SPATS2L: variants seen among roughly 807,000 people sequenced by gnomAD.
SPATS2L encodes the protein spermatogenesis associated serine rich 2 like.
In SPATS2L, 30 loss-of-function variants were observed where a neutral mutation model predicts 59.6. The observed-to-expected ratio is 0.50, with a 90% confidence interval of 0.38 to 0.68. The LOEUF (loss-of-function observed/expected upper bound fraction) is 0.68, where lower values mean the gene tolerates loss of function less well. SPATS2L is among the 30% of genes least tolerant of loss of function. The pLI is 0.00. For synonymous variants in SPATS2L, 252 were observed against 263.5 expected (o/e 0.96, Z 0.42); for missense variants, 615 against 700.0 (o/e 0.88, Z 1.37).
chr2:200,412,568 T>C, intron 4 of SPATS2L, 149 bp downstream of exon 4: 1 of 403,726 alleles, frequency 2.5e-6, no homozygotes, highest in Non-Finnish European at 4.3e-6. Flanking sequence ...ATTGCGCTAC[T>C]GCACTCTAGC....
intron 9 of SPATS2L, among the ~76,000 whole-genome samples, chr2:200,460,511 C>T (rs1203008075): frequency 1.3e-5 from 2 of 151,946 alleles, no homozygotes; most frequent in East Asian, 1.9e-4. Flanking sequence ...TTTAGGAGGC[C>T]GAGGCAGGCA....
In SPATS2L at chr2:200,412,452, TTA is replaced by T. The variant is rs2082910067; in HGVS notation, c.148+34_148+35del. The T allele has an allele frequency of 5.6e-6, 7 of 1,250,598 alleles. No individual in the cohort carries two copies. In the East Asian group the frequency reaches 1.7e-4, roughly 30 times the overall value. 77.5% of individuals were successfully genotyped at this position (1,250,598 alleles called of 1,614,324 possible). A position where few individuals can be genotyped will look rare whatever the true frequency, so the allele number is the denominator to read the frequency against. On this transcript the variant is annotated intron_variant, in intron 4 of 12. Coordinates refer to ENST00000409140, the MANE Select transcript of SPATS2L (RefSeq NM_001100423.2). ...TACCTGTACCCTGCAGCTGAAGATG[TTA>T]GACTTAAATATTCCAGATATTCCAT...
At chr2:200,346,110 T>C (rs913577133) in intron 2 of SPATS2L, among the ~76,000 whole-genome samples, 1 of 152,220 alleles carries the variant, frequency 6.6e-6, no homozygotes, top group African/African-American at 2.4e-5. Flanking sequence ...GATGTCATAG[T>C]ATTACAACCA....
intron 3 of SPATS2L, among the ~76,000 whole-genome samples, chr2:200,403,722 C>T (rs185686531): frequency 5.3e-5 from 8 of 152,280 alleles, no homozygotes; most frequent in East Asian, 1.9e-4. Context: ...TTGCTTTGCT[C>T]CTGCTTCTGG....
intron 3 of SPATS2L, among the ~76,000 whole-genome samples, chr2:200,396,033 A>AAAATATAAATATAT (rs1553520464): frequency 4.7e-5 from 1 of 21,148 alleles, no homozygotes; most frequent in African/African-American, 1.5e-4. Flanking sequence ...AAAAAAAAAA[A>AAAATATAAATATAT]ATATATATAT....
At chr2:200,417,597 A>G (rs1038165590) in intron 5 of SPATS2L, among the ~76,000 whole-genome samples, 1 of 152,134 alleles carries the variant, frequency 6.6e-6, no homozygotes, top group African/African-American at 2.4e-5. Context: ...TGAAAAGGAA[A>G]ATGGTCTCCC....
At chr2:200,447,328 G>A (rs1574589726) in intron 8 of SPATS2L, among the ~76,000 whole-genome samples, 1 of 152,178 alleles carries the variant, frequency 6.6e-6, no homozygotes, top group Non-Finnish European at 1.5e-5. Context: ...ACCCAGGTAT[G>A]CCAGCCATTA....
chr2:200,367,897 A>G (rs2081313153), intron 2 of SPATS2L, among the ~76,000 whole-genome samples: 1 of 152,226 alleles, frequency 6.6e-6, no homozygotes, highest in Non-Finnish European at 1.5e-5. Context: ...TTTATAAACA[A>G]TGTAGTATTT....
rs537035492 is a variant in SPATS2L, at chr2:200,336,286, C to T, written c.-23+6806C>T. On this transcript the variant is annotated intron_variant, in intron 2 of 12. Transcript: ENST00000409140. ...ATTCACCTTGTTTAATCATGAACTT[C>T]GTCCTGTTCGTATTGCCTTGAGATA... Among the ~76,000 whole-genome samples the T allele has an allele frequency of 4.6e-5, 7 of 152,248 alleles. No homozygotes were observed. The East Asian group carries it at 5.8e-4, about 13-fold the overall frequency.
chr2:200,467,523 G>C, intron 10 of SPATS2L, 124 bp downstream of exon 10: 2 of 672,102 alleles, frequency 3.0e-6, no homozygotes, highest in Non-Finnish European at 5.3e-6. Context: ...CTCTTCCACA[G>C]GGTGGAAATA....
At position 200,379,914 on chromosome 2, in the gene SPATS2L, G is replaced by A. The variant is rs529727751; in HGVS notation, c.-22-9309G>A. On this transcript the variant is annotated intron_variant, in intron 2 of 12. Coordinates refer to ENST00000409140, the MANE Select transcript of SPATS2L (RefSeq NM_001100423.2). ...GTATAATTGAGTTGCTGATACAAGT[G>A]GGTACTTGCACCAGGTCCGGGTCAC... 1.5e-3 allele frequency among the ~76,000 whole-genome samples: 234 copies of A among 152,212 alleles called. 1 individual carries two copies. The highest frequency in any genetic ancestry group is 5.1e-3 in the African/African-American group (210 of 41,534).
In SPATS2L at chr2:200,364,862, A is replaced by C. The variant is rs188505534; in HGVS notation, c.-22-24361A>C. Reference sequence around the variant, plus strand: ...CAGTCCCAGGTGGGTTGGGCATTCTAGAGTGAGGCATTCCAGTTCAGGGAT... The same window carrying C: ...CAGTCCCAGGTGGGTTGGGCATTCTCGAGTGAGGCATTCCAGTTCAGGGAT... On this transcript the variant is annotated intron_variant, in intron 2 of 12. Coordinates refer to ENST00000409140, the MANE Select transcript of SPATS2L (RefSeq NM_001100423.2). Among the ~76,000 whole-genome samples, 162 of 152,336 alleles carry C rather than the reference A, an allele frequency of 1.1e-3. 1 individual carries two copies. Among genetic ancestry groups the C allele is most frequent in the South Asian group, 1.2e-3 (6 of 4,824 alleles).
At chr2:200,457,052 A>G (rs939725272) in intron 8 of SPATS2L, among the ~76,000 whole-genome samples, 2 of 152,044 alleles carry the variant, frequency 1.3e-5, no homozygotes, top group African/African-American at 4.8e-5. Context: ...AATTCAAAAC[A>G]TGTCCTCAAG....
At chr2:200,470,693 G>C (rs960793804) in intron 11 of SPATS2L, among the ~76,000 whole-genome samples, 1 of 152,134 alleles carries the variant, frequency 6.6e-6, no homozygotes, top group Non-Finnish European at 1.5e-5. Flanking sequence ...CCACAGCCTC[G>C]CAGTCAGCTG....
At chr2:200,473,106 C>T in intron 12 of SPATS2L, 54 bp downstream of exon 12, 1 of 1,441,466 alleles carries the variant, frequency 6.9e-7, no homozygotes. Flanking sequence ...AAACCTGTTT[C>T]CAGAGGAAGA....
intron 12 of SPATS2L, 73 bp from the exon 13 acceptor site, chr2:200,477,563 G>C (rs1407515324): frequency 7.2e-6 from 6 of 835,086 alleles, no homozygotes; most frequent in East Asian, 4.9e-5. Flanking sequence ...TAGAGATTTG[G>C]TTTTCCTGAT....
At chr2:200,411,263 A>G (rs2082868708) in intron 3 of SPATS2L, among the ~76,000 whole-genome samples, 1 of 152,182 alleles carries the variant, frequency 6.6e-6, no homozygotes, top group Non-Finnish European at 1.5e-5. Context: ...GTTTTCTAAC[A>G]TAATCAGGAA....
chr2:200,373,634 A>G (rs1258054430), intron 2 of SPATS2L, among the ~76,000 whole-genome samples: 3 of 152,254 alleles, frequency 2.0e-5, no homozygotes, highest in Admixed American at 6.5e-5. Context: ...GTCATCTCAC[A>G]GGATGTAAAA....
intron 1 of SPATS2L, among the ~76,000 whole-genome samples, chr2:200,328,359 G>A (rs1447841351): frequency 3.9e-5 from 6 of 152,142 alleles, no homozygotes. Flanking sequence ...AATGTTTGTT[G>A]GCTAAATGAA....
Sources: gnomAD v4.1 joint callset for allele counts (sites outside exome capture counted in the v4.1 genomes callset) on GRCh38, gnomAD v4.1.1 for gene constraint, MANE v1.5 for transcripts, NCBI Gene and HGNC (gene_info 2026-07-23, HGNC 2026-07-21) for gene names.